CRTAC1: variants seen among roughly 807,000 people sequenced by gnomAD.
The protein encoded by CRTAC1 is cartilage acidic protein 1, also known as acidic secreted protein in cartilage.
CRTAC1 carries 37 observed loss-of-function variants against 67.8 expected under a neutral mutation model. That is an observed-to-expected ratio of 0.55 (90% CI 0.42 to 0.72). CRTAC1 has a LOEUF of 0.72. CRTAC1 is among the 30% of genes least tolerant of loss of function. The probability of loss-of-function intolerance (pLI) is 0.00; values close to 1 mark genes in which losing one functional copy is unlikely to be tolerated. For synonymous variants in CRTAC1, 348 were observed against 371.0 expected (o/e 0.94, Z 0.71); for missense variants, 780 against 931.6 (o/e 0.84, Z 2.12).
At chr10:97,927,734 C>T (rs902600046) in intron 3 of CRTAC1, among the ~76,000 whole-genome samples, 5 of 152,328 alleles carry the variant, frequency 3.3e-5, no homozygotes, top group East Asian at 1.9e-4. Flanking sequence ...GGCAGAGGCC[C>T]GGAGGCCTGG....
At chr10:97,893,926 C>A (rs559792220) in intron 11 of CRTAC1, among the ~76,000 whole-genome samples, 7 of 152,274 alleles carry the variant, frequency 4.6e-5, no homozygotes, top group African/African-American at 1.2e-4. Context: ...AGTTTTTGCA[C>A]GTATCAATAG....
At chr10:97,961,469 A>T (rs7915066) in intron 2 of CRTAC1, among the ~76,000 whole-genome samples, 63,192 of 151,812 alleles carry the variant, frequency 0.42, 13,385 homozygotes, top group African/African-American at 0.47. Context: ...ATAATTTTTT[A>T]AAAAAATCAA....
intron 2 of CRTAC1, among the ~76,000 whole-genome samples, chr10:97,988,932 G>C (rs2052029124): frequency 6.6e-6 from 1 of 152,188 alleles, no homozygotes; most frequent in African/African-American, 2.4e-5. Flanking sequence ...ATCAGCATTT[G>C]AATCTGTGGA....
chr10:97,891,318 G>A (rs2050369493), intron 11 of CRTAC1, among the ~76,000 whole-genome samples: 1 of 151,766 alleles, frequency 6.6e-6, no homozygotes, highest in African/African-American at 2.4e-5. Flanking sequence ...AAACATTCCC[G>A]TTCTTTGGAC....
chr10:97,976,717 A>T (rs1262908169), intron 2 of CRTAC1, among the ~76,000 whole-genome samples: 2 of 151,780 alleles, frequency 1.3e-5, no homozygotes, highest in African/African-American at 2.4e-5. Flanking sequence ...CTCCTACTCC[A>T]CTCTGACCCA....
chr10:97,997,390 T>G (rs1455291634), intron 2 of CRTAC1, among the ~76,000 whole-genome samples: 3 of 143,054 alleles, frequency 2.1e-5, no homozygotes, highest in African/African-American at 5.2e-5. Context: ...GAGGTGGAGG[T>G]TGCAGTGAGC....
At chr10:97,937,230 C>A (rs558761841) in intron 2 of CRTAC1, among the ~76,000 whole-genome samples, 1 of 152,212 alleles carries the variant, frequency 6.6e-6, no homozygotes, top group Non-Finnish European at 1.5e-5. Flanking sequence ...AGGGACTTTG[C>A]ACTTGCTGTT....
intron 5 of CRTAC1, among the ~76,000 whole-genome samples, chr10:97,910,666 G>T (rs114686002): frequency 0.023 from 3,519 of 152,282 alleles, 129 homozygotes; most frequent in African/African-American, 0.078. Flanking sequence ...TGAGACAGGG[G>T]TTCTCTTGGT....
intron 2 of CRTAC1, among the ~76,000 whole-genome samples, chr10:97,983,276 G>T (rs947473003): frequency 2.7e-5 from 4 of 147,990 alleles, no homozygotes; most frequent in African/African-American, 1.1e-4. Flanking sequence ...TAAATACTTA[G>T]TGAGCACCTA....
At chr10:97,919,040 C>A (rs79538903) in intron 4 of CRTAC1, among the ~76,000 whole-genome samples, 1 of 148,382 alleles carries the variant, frequency 6.7e-6, no homozygotes, top group Non-Finnish European at 1.5e-5. Flanking sequence ...CACCCCCCCC[C>A]GCCTCAGCCT....
At chr10:97,986,116 G>A (rs993123689) in intron 2 of CRTAC1, among the ~76,000 whole-genome samples, 40 of 152,332 alleles carry the variant, frequency 2.6e-4, no homozygotes, top group South Asian at 1.7e-3. Context: ...GGGAAGATGA[G>A]GCTGTGTCTC....
rs75061830 is a variant in CRTAC1 at position 97,922,393 on chromosome 10, A to G, written c.558+871T>C. On this transcript the variant is annotated intron_variant, in intron 4 of 14. Coordinates refer to ENST00000370597, the MANE Select transcript of CRTAC1 (RefSeq NM_018058.7). Reference sequence around the variant, plus strand: ...CCCCAATCCCCTCGGTGCCATCTCAATCCCAAAGTGAGCCAAACCTCTTGC... The same window carrying G: ...CCCCAATCCCCTCGGTGCCATCTCAGTCCCAAAGTGAGCCAAACCTCTTGC... Among the ~76,000 whole-genome samples the G allele has an allele frequency of 9.8e-5, 15 of 152,316 alleles. 1 individual carries two copies. In the East Asian group the frequency reaches 2.9e-3, roughly 29 times the overall value.
chr10:97,888,064 G>A (rs12412005), intron 11 of CRTAC1, among the ~76,000 whole-genome samples: 38,743 of 152,148 alleles, frequency 0.25, 5,818 homozygotes, highest in Non-Finnish European at 0.34. Flanking sequence ...GCAGAGGTCC[G>A]AGAGATCCCA....
At chr10:97,903,171 T>A (rs1299065942) in intron 7 of CRTAC1, among the ~76,000 whole-genome samples, 1 of 149,786 alleles carries the variant, frequency 6.7e-6, no homozygotes, top group South Asian at 2.2e-4. Context: ...TTAACAGGGT[T>A]CCTCACCCTC....
Position 97,936,222 on chromosome 10 carries a change from G to A in CRTAC1, c.369C>T (p.Asp123=), listed in dbSNP as rs567550956. The A allele has an allele frequency of 7.4e-6, 12 of 1,613,950 alleles. No individual in the cohort carries two copies. Among genetic ancestry groups the A allele is most frequent in the African/African-American group, 4.0e-5 (3 of 75,058 alleles). The change falls in exon 3 of 15, where the codon GAC becomes GAT. Residue 123 remains aspartate, a synonymous_variant. Transcript: ENST00000370597. Reference sequence around the variant, plus strand: ...AGTAGATCTCCTCCCGGCCGTCCCCGTCGATGTCGCAGGCTGTGACCCCGA... The same window carrying A: ...AGTAGATCTCCTCCCGGCCGTCCCCATCGATGTCGCAGGCTGTGACCCCGA... ...NAIGVTACDI[D]GDGREEIYFL... is the part of the protein sequence containing the mutation.
intron 11 of CRTAC1, among the ~76,000 whole-genome samples, chr10:97,887,327 C>T (rs1331235879): frequency 2.0e-5 from 3 of 151,544 alleles, no homozygotes; most frequent in East Asian, 3.9e-4. Flanking sequence ...CCACAACCTC[C>T]GCCTCCCAGG....
chr10:97,982,809 T>C (rs2051914482), intron 2 of CRTAC1, among the ~76,000 whole-genome samples: 1 of 152,240 alleles, frequency 6.6e-6, no homozygotes, highest in African/African-American at 2.4e-5. Flanking sequence ...TAGCCTGTTA[T>C]GGAGGACCTG....
At chr10:97,973,390 C>T (rs892418287) in intron 2 of CRTAC1, among the ~76,000 whole-genome samples, 1 of 151,722 alleles carries the variant, frequency 6.6e-6, no homozygotes, top group Non-Finnish European at 1.5e-5. Context: ...ATGCCCCCCA[C>T]CCCGGCCCCC....
intron 2 of CRTAC1, among the ~76,000 whole-genome samples, chr10:97,936,653 G>A (rs139447749): frequency 4.7e-4 from 72 of 152,336 alleles, no homozygotes; most frequent in African/African-American, 1.5e-3. Context: ...TGGACAGCCC[G>A]TTCCCACAGG....
Sources: gnomAD v4.1 joint callset for allele counts (sites outside exome capture counted in the v4.1 genomes callset) on GRCh38, gnomAD v4.1.1 for gene constraint, MANE v1.5 for transcripts, NCBI Gene and HGNC (gene_info 2026-07-23, HGNC 2026-07-21) for gene names.